The following EXD3 variants were observed in gnomAD, a reference collection of about 807,000 sequenced individuals.
The protein encoded by EXD3 is exonuclease mut-7 homolog.
A neutral mutation model predicts 98.0 loss-of-function variants in EXD3; 92 were observed. The observed-to-expected ratio is 0.94, with a 90% CI of 0.79 to 1.12. The LOEUF (loss-of-function observed/expected upper bound fraction) is 1.12. Among genes scored for constraint, EXD3 ranks in the 50% most tolerant of loss-of-function variants. EXD3 has a pLI of 0.00. For synonymous variants in EXD3, 569 were observed against 526.0 expected (o/e 1.08, Z -1.12); for missense variants, 1,222 against 1,191.6 (o/e 1.03, Z -0.38).
At chr9:137,402,822 A>C (rs1010721189) in intron 1 of EXD3, among the ~76,000 whole-genome samples, 1 of 152,104 alleles carries the variant, frequency 6.6e-6, no homozygotes, top group Non-Finnish European at 1.5e-5. Context: ...ACATTTCCAC[A>C]TGGCTGGGGA....
Position 137,412,152 on chromosome 9 carries a change from G to T in EXD3, c.-48+10962C>A, listed in dbSNP as rs553221797. Among the ~76,000 whole-genome samples, 6 of 152,358 alleles carry T rather than the reference G, an allele frequency of 3.9e-5. No individual in the cohort carries two copies. The East Asian group carries it at 1.2e-3, about 29-fold the overall frequency. On this transcript the variant is annotated intron_variant, in intron 1 of 21. Transcript: ENST00000340951. ...ATGCGGCAAGGACAGGGGGCTGGAG[G>T]CCGGCCTGAGACCCAGAGCGAGTGG...
At chr9:137,396,541 A>G (rs1010762653) in intron 1 of EXD3, among the ~76,000 whole-genome samples, 2 of 152,140 alleles carry the variant, frequency 1.3e-5, no homozygotes, top group Non-Finnish European at 2.9e-5. Context: ...CACACGCGGC[A>G]CAGTCACTTA....
intron 1 of EXD3, among the ~76,000 whole-genome samples, chr9:137,400,407 C>G (rs765966349): frequency 1.2e-4 from 19 of 152,204 alleles, no homozygotes; most frequent in Non-Finnish European, 2.5e-4. Flanking sequence ...CGCCTATGAG[C>G]CTGTAAAATC....
intron 19 of EXD3, among the ~76,000 whole-genome samples, chr9:137,311,886 C>A (rs971106489): frequency 6.6e-6 from 1 of 152,162 alleles, no homozygotes; most frequent in Non-Finnish European, 1.5e-5. Flanking sequence ...GTGCTGGTGG[C>A]CCAGCGCACG....
At chr9:137,374,768 G>A in intron 3 of EXD3, 1 of 985,478 alleles carries the variant, frequency 1.0e-6, no homozygotes, top group Non-Finnish European at 1.2e-6. Flanking sequence ...GGGACTCTGG[G>A]AAGAAAAGGA....
intron 19 of EXD3, among the ~76,000 whole-genome samples, chr9:137,309,930 T>C (rs1245831609): frequency 6.6e-6 from 1 of 152,222 alleles, no homozygotes. Flanking sequence ...AAGCCTCTTC[T>C]GTTTTTTGAG....
At chr9:137,396,308 C>A (rs74422930) in intron 1 of EXD3, among the ~76,000 whole-genome samples, 1 of 152,194 alleles carries the variant, frequency 6.6e-6, no homozygotes, top group Non-Finnish European at 1.5e-5. Flanking sequence ...TCTACACTTA[C>A]GAGGGTCACC....
intron 17 of EXD3, among the ~76,000 whole-genome samples, chr9:137,337,934 C>A (rs1833446887): frequency 6.6e-6 from 1 of 151,890 alleles, no homozygotes; most frequent in African/African-American, 2.4e-5. Flanking sequence ...ACTACAGGCG[C>A]CCACCACCAT....
At chr9:137,414,348 CTGT>C (rs1220058837) in intron 1 of EXD3, among the ~76,000 whole-genome samples, 1 of 152,218 alleles carries the variant, frequency 6.6e-6, no homozygotes, top group African/African-American at 2.4e-5. Flanking sequence ...AGACCACGGG[CTGT>C]TTGTCCAGCA....
intron 3 of EXD3, among the ~76,000 whole-genome samples, chr9:137,379,754 C>T (rs548264588): frequency 5.9e-5 from 9 of 152,084 alleles, no homozygotes; most frequent in Admixed American, 2.6e-4. Flanking sequence ...GGTGCGCTCT[C>T]GCCCAGGCTG....
At chr9:137,314,360 G>A (rs987915918) in intron 19 of EXD3, among the ~76,000 whole-genome samples, 5 of 152,272 alleles carry the variant, frequency 3.3e-5, no homozygotes, top group South Asian at 2.1e-4. Context: ...GGCCAGTCCC[G>A]GCACTGACTT....
At chr9:137,381,503 G>A (rs1206345146) in intron 3 of EXD3, among the ~76,000 whole-genome samples, 1 of 151,388 alleles carries the variant, frequency 6.6e-6, no homozygotes, top group Non-Finnish European at 1.5e-5. Context: ...TGAACCAGGG[G>A]AGCCCCACTC....
intron 4 of EXD3, 148 bp downstream of exon 4, chr9:137,373,278 G>C: frequency 9.0e-7 from 1 of 1,114,690 alleles, no homozygotes; most frequent in Non-Finnish European, 1.3e-6. Flanking sequence ...GCCACGGGCT[G>C]AGTCTTGGCC....
chr9:137,379,702 T>G (rs1244406424), intron 3 of EXD3, among the ~76,000 whole-genome samples: 1 of 152,000 alleles, frequency 6.6e-6, no homozygotes, highest in Non-Finnish European at 1.5e-5. Flanking sequence ...CTTACCCCAA[T>G]AAAGCATTCG....
At chr9:137,328,621 A>AG (rs1398285595) in intron 17 of EXD3, among the ~76,000 whole-genome samples, 5 of 17,452 alleles carry the variant, frequency 2.9e-4, no homozygotes, top group African/African-American at 4.8e-4. Flanking sequence ...GCTACACGGG[A>AG]CTACACGGGA....
At chr9:137,354,488 GGT>G in intron 9 of EXD3, 111 bp from the exon 10 acceptor site, 1 of 1,562,506 alleles carries the variant, frequency 6.4e-7, no homozygotes, top group Non-Finnish European at 8.6e-7. Flanking sequence ...GCAGAGCCCA[GGT>G]GCTCACCCGC....
At chr9:137,364,155 A>G (rs1436389786) in intron 7 of EXD3, among the ~76,000 whole-genome samples, 2 of 151,830 alleles carry the variant, frequency 1.3e-5, no homozygotes, top group Non-Finnish European at 2.9e-5. Flanking sequence ...AAGGTGTTCT[A>G]CTCCATTACC....
chr9:137,382,473 A>G (rs1478004307), intron 3 of EXD3, among the ~76,000 whole-genome samples: 2 of 152,154 alleles, frequency 1.3e-5, no homozygotes, highest in Non-Finnish European at 2.9e-5. Flanking sequence ...TCACAGACGA[A>G]GGTCCGACAA....
chr9:137,351,948 T>A, intron 12 of EXD3, 118 bp downstream of exon 12: 1 of 1,331,102 alleles, frequency 7.5e-7, no homozygotes, highest in South Asian at 1.4e-5. Flanking sequence ...CTGGGGCACC[T>A]GGCGGGCTCA....
Sources: allele counts gnomAD v4.1 joint callset (sites outside exome capture counted in the v4.1 genomes callset), GRCh38; gene constraint gnomAD v4.1.1; transcripts MANE v1.5; gene names NCBI Gene and HGNC (gene_info 2026-07-23, HGNC 2026-07-21).